The following UBP1 variants were observed in gnomAD, a reference collection of about 807,000 sequenced individuals.
The protein encoded by UBP1 is upstream-binding protein 1.
A neutral mutation model predicts 76.1 loss-of-function variants in UBP1; 22 were observed. That is an observed-to-expected ratio of 0.29 (90% CI 0.21 to 0.41). The LOEUF is 0.41. Among genes scored for constraint, UBP1 ranks in the 10% least tolerant of loss-of-function variants. UBP1 has a pLI of 1.00. For missense variants in UBP1, 436 were observed against 668.1 expected, an observed-to-expected ratio of 0.65 and a Z score of 3.83; for synonymous variants, 224 against 237.1, an observed-to-expected ratio of 0.94 and a Z score of 0.51.
At position 33,390,121 on chromosome 3, in the gene UBP1, G is replaced by A; in HGVS notation, c.*210C>T. On this transcript the variant is annotated 3_prime_UTR_variant, in exon 16 of 16. Coordinates refer to ENST00000283629, the MANE Select transcript of UBP1 (RefSeq NM_014517.5). ...TCCAGAGCTGGATGCATGCTGTGCC[G>A]ATGTGCTCACTCTCATGAGGATGCT... The A allele has an allele frequency of 1.8e-6, 1 of 564,876 alleles. No homozygotes were observed. Among genetic ancestry groups the A allele is most frequent in the South Asian group, 2.8e-5 (1 of 36,358 alleles). 35.0% of individuals were successfully genotyped at this position (564,876 alleles called of 1,614,324 possible).
intron 8 of UBP1, among the ~76,000 whole-genome samples, chr3:33,405,774 A>G (rs2044402419): frequency 6.6e-6 from 1 of 152,172 alleles, no homozygotes; most frequent in Non-Finnish European, 1.5e-5. Context: ...AAAAATTTAA[A>G]AATTATTTTG....
At chr3:33,441,109 C>T (rs1378885674), upstream of UBP1, among the ~76,000 whole-genome samples, 1 of 152,246 alleles carries the variant, frequency 6.6e-6, no homozygotes, top group Non-Finnish European at 1.5e-5. Flanking sequence ...GAAGTTGGAC[C>T]GAACCATTAG....
In UBP1 at chr3:33,439,860, G is replaced by C; in HGVS notation, c.-12C>G. On this transcript the variant is annotated 5_prime_UTR_variant, in exon 1 of 16. Transcript: ENST00000283629. ...AGCACCCAGGCCATCTTCCGGCCTC[G>C]CCGTCGCCCCGCACACCGCGGCCTC... 6.2e-7 allele frequency: 1 copy of C among 1,610,562 alleles called. No individual in the cohort carries two copies. Among genetic ancestry groups the C allele is most frequent in the Non-Finnish European group, 8.5e-7 (1 of 1,178,998 alleles).
At position 33,390,222 on chromosome 3, in the gene UBP1, G is replaced by A; in HGVS notation, c.*109C>T. On this transcript the variant is annotated 3_prime_UTR_variant, in exon 16 of 16. Transcript: ENST00000283629. ...AAAGGTCATCTTGTGTTTTCAATAT[G>A]AAACATTTCATATGGTAAAATCCAA... The A allele has an allele frequency of 8.8e-7, 1 of 1,142,180 alleles. No individual in the cohort carries two copies. The highest frequency in any genetic ancestry group is 1.4e-5 in the South Asian group (1 of 69,592). The allele number at this position is 1,142,180 out of a possible 1,614,324, so 70.8% of individuals were successfully genotyped here. A position where few individuals can be genotyped will look rare whatever the true frequency, so the allele number is the denominator to read the frequency against.
intron 1 of UBP1, among the ~76,000 whole-genome samples, chr3:33,432,357 T>C (rs952205957): frequency 3.3e-5 from 5 of 152,184 alleles, no homozygotes; most frequent in Admixed American, 2.6e-4. Flanking sequence ...AGTTTTTTAA[T>C]TTAAAAAAAT....
chr3:33,393,235 A>G, intron 14 of UBP1, 77 bp downstream of exon 14: 1 of 1,405,590 alleles, frequency 7.1e-7, no homozygotes, highest in Non-Finnish European at 9.5e-7. Flanking sequence ...AGGTCACAGA[A>G]TTTTTCTACA....
chr3:33,425,803 A>C, intron 1 of UBP1, 62 bp from the exon 2 acceptor site: 1 of 1,434,314 alleles, frequency 7.0e-7, no homozygotes, highest in Non-Finnish European at 9.5e-7. Context: ...CTACAGCCAT[A>C]TCATCCTGAA....
chr3:33,408,662 A>T (rs1019995894), intron 8 of UBP1, 28 bp downstream of exon 8: 7 of 1,590,778 alleles, frequency 4.4e-6, no homozygotes, highest in East Asian at 4.5e-5. Flanking sequence ...TTTCTTGCAC[A>T]ATGAAAAGAG....
chr3:33,410,782 C>T (rs2044561671), intron 5 of UBP1, among the ~76,000 whole-genome samples: 1 of 151,986 alleles, frequency 6.6e-6, no homozygotes, highest in Non-Finnish European at 1.5e-5. Flanking sequence ...CTTTAAAGTA[C>T]TCTAACAGGC....
intron 2 of UBP1, among the ~76,000 whole-genome samples, chr3:33,419,095 A>G (rs903938364): frequency 2.0e-5 from 3 of 152,204 alleles, no homozygotes; most frequent in African/African-American, 7.2e-5. Context: ...TGTAAAGTGT[A>G]ACAGAAAGAA....
At chr3:33,427,722 C>A (rs558358386) in intron 1 of UBP1, among the ~76,000 whole-genome samples, 4 of 152,326 alleles carry the variant, frequency 2.6e-5, no homozygotes, top group African/African-American at 9.6e-5. Flanking sequence ...TCCACTAATT[C>A]TCCCTCTCTT....
intron 1 of UBP1, among the ~76,000 whole-genome samples, chr3:33,430,001 C>G (rs2154059623): frequency 6.6e-6 from 1 of 151,970 alleles, no homozygotes; most frequent in Non-Finnish European, 1.5e-5. Context: ...ATGAAAGAAA[C>G]AAAATAGAAA....
chr3:33,415,613 T>C (rs567282502), intron 3 of UBP1, among the ~76,000 whole-genome samples: 2 of 152,110 alleles, frequency 1.3e-5, no homozygotes, highest in African/African-American at 4.8e-5. Context: ...TTTACCATAA[T>C]AAAAAGTTAA....
Position 33,412,777 on chromosome 3 carries a change from A to G in UBP1, c.393T>C (p.His131=). The change falls in exon 4 of 16, where the codon CAT becomes CAC. Residue 131 remains histidine, a synonymous_variant. Coordinates refer to ENST00000283629, the MANE Select transcript of UBP1 (RefSeq NM_014517.5). ...FHDRRLQYTE[H]QQLEGWKWNR... The stretch of plus-strand genomic sequence containing the variant: ...TCCACTTCCATCCTTCAAGTTGCTG[A>G]TGCTCTGTGTATTGTAGCCGTCTGT... 1.2e-6 allele frequency: 2 copies of G among 1,614,126 alleles called. No individual in the cohort carries two copies. The highest frequency in any genetic ancestry group is 1.7e-6 in the Non-Finnish European group (2 of 1,179,974).
At chr3:33,417,063 G>T (rs370282930) in intron 2 of UBP1, among the ~76,000 whole-genome samples, 18 of 152,234 alleles carry the variant, frequency 1.2e-4, no homozygotes, top group African/African-American at 3.9e-4. Context: ...ATCTTCATCT[G>T]CCACTCTCTT....
At chr3:33,393,593 C>CA in intron 13 of UBP1, 139 bp from the exon 14 acceptor site, 1 of 723,734 alleles carries the variant, frequency 1.4e-6, no homozygotes, top group East Asian at 3.1e-5. Flanking sequence ...TGGGAATAAA[C>CA]TATTTCTTTC....
intron 12 of UBP1, 61 bp from the exon 13 acceptor site, chr3:33,396,341 A>C: frequency 8.2e-7 from 1 of 1,225,684 alleles, no homozygotes; most frequent in African/African-American, 1.5e-5. Context: ...ACATGTACAA[A>C]TATGACAACT....
chr3:33,400,907 C>T (rs1319580004), intron 10 of UBP1, 55 bp downstream of exon 10: 1 of 1,548,894 alleles, frequency 6.5e-7, no homozygotes, highest in Non-Finnish European at 8.7e-7. Flanking sequence ...AAAACCAAAA[C>T]TTTAAAATGT....
intron 1 of UBP1, among the ~76,000 whole-genome samples, chr3:33,429,363 T>A (rs1470156014): frequency 1.3e-5 from 2 of 152,102 alleles, no homozygotes; most frequent in African/African-American, 4.8e-5. Flanking sequence ...ATTTTTTTTT[T>A]TTTAAGACAG....
Sources: gnomAD v4.1 joint callset for allele counts (sites outside exome capture counted in the v4.1 genomes callset) on GRCh38, gnomAD v4.1.1 for gene constraint, MANE v1.5 for transcripts, NCBI Gene and HGNC (gene_info 2026-07-23, HGNC 2026-07-21) for gene names.